PCCA: variants seen among roughly 807,000 people sequenced by gnomAD.
PCCA encodes the protein propionyl-CoA carboxylase alpha chain, mitochondrial.
In PCCA, 74 loss-of-function variants were observed where a neutral mutation model predicts 101.3. The observed-to-expected ratio is 0.73, with a 90% CI of 0.61 to 0.89. The LOEUF (loss-of-function observed/expected upper bound fraction) is 0.89, where lower values mean the gene tolerates loss of function less well. Among genes scored for constraint, PCCA ranks in the 40% least tolerant of loss-of-function variants. The pLI, the probability that PCCA is intolerant of heterozygous loss-of-function variation, is 0.00. For synonymous variants in PCCA, 294 were observed against 313.6 expected (o/e 0.94, Z 0.66); for missense variants, 891 against 907.0 (o/e 0.98, Z 0.23).
chr13:100,221,475 G>C lies in PCCA; in HGVS notation c.600+12012G>C, dbSNP rs59999735. ...GTTATTTTGGTTATCTTCTTAGGAG[G>C]CTGCATCTGAATTTGCAGCCTCTGT... On this transcript the variant is annotated intron_variant, in intron 7 of 23. Transcript: ENST00000376285. Among the ~76,000 whole-genome samples the C allele has an allele frequency of 7.8e-3, 1,185 of 152,296 alleles. 16 individuals carry two copies. The highest frequency in any genetic ancestry group is 0.027 in the African/African-American group (1,131 of 41,566).
chr13:100,368,920 A>G (rs2152812416), intron 19 of PCCA, among the ~76,000 whole-genome samples: 1 of 152,342 alleles, frequency 6.6e-6, no homozygotes, highest in South Asian at 2.1e-4. Context: ...CTTTTAAAAC[A>G]AATAATCTGA....
chr13:100,526,498 T>C (rs1189982368), intron 22 of PCCA, among the ~76,000 whole-genome samples: 1 of 152,190 alleles, frequency 6.6e-6, no homozygotes, highest in East Asian at 1.9e-4. Context: ...GCAAGACAGC[T>C]TGCGCCACAC....
At chr13:100,479,308 T>TA (rs1796959851) in intron 21 of PCCA, among the ~76,000 whole-genome samples, 1 of 151,922 alleles carries the variant, frequency 6.6e-6, no homozygotes, top group Non-Finnish European at 1.5e-5. Flanking sequence ...TCTGATGGGG[T>TA]ACAAGTGTGC....
At chr13:100,220,494 C>G (rs1412666080) in intron 7 of PCCA, among the ~76,000 whole-genome samples, 1 of 147,562 alleles carries the variant, frequency 6.8e-6, no homozygotes, top group Non-Finnish European at 1.5e-5. Context: ...GGGTCTTGAA[C>G]TCCTTACTTC....
intron 12 of PCCA, among the ~76,000 whole-genome samples, chr13:100,294,904 G>A (rs1479018874): frequency 1.3e-5 from 2 of 152,090 alleles, no homozygotes; most frequent in South Asian, 2.1e-4. Context: ...CAGAGAAAAG[G>A]GGAGAAAAAT....
At chr13:100,348,815 C>CCTTT (rs1408897769) in intron 18 of PCCA, among the ~76,000 whole-genome samples, 2 of 122,930 alleles carry the variant, frequency 1.6e-5, no homozygotes, top group South Asian at 4.9e-4. Context: ...TTCCTTCCTT[C>CCTTT]CTTTCTTTCT....
At chr13:100,485,634 A>G (rs575951934) in intron 21 of PCCA, among the ~76,000 whole-genome samples, 41 of 152,236 alleles carry the variant, frequency 2.7e-4, no homozygotes, top group Non-Finnish European at 4.3e-4. Context: ...CTACAAGGGT[A>G]TATGTATACA....
At chr13:100,156,696 C>A (rs548725371) in intron 5 of PCCA, among the ~76,000 whole-genome samples, 2 of 152,170 alleles carry the variant, frequency 1.3e-5, no homozygotes, top group African/African-American at 2.4e-5. Flanking sequence ...AGTAAAACCA[C>A]ACCTCCATTT....
intron 6 of PCCA, among the ~76,000 whole-genome samples, chr13:100,202,552 A>G (rs1337740873): frequency 6.7e-6 from 1 of 148,304 alleles, no homozygotes; most frequent in Non-Finnish European, 1.5e-5. Flanking sequence ...TATGTTGGTC[A>G]TCCTGGAATG....
At chr13:100,498,688 A>G (rs1448726804) in intron 21 of PCCA, among the ~76,000 whole-genome samples, 3 of 151,994 alleles carry the variant, frequency 2.0e-5, no homozygotes, top group Non-Finnish European at 4.4e-5. Context: ...CCCCTAGCCT[A>G]CTGTTTGCGT....
chr13:100,459,314 C>G (rs1236231834), intron 21 of PCCA, among the ~76,000 whole-genome samples: 2 of 152,158 alleles, frequency 1.3e-5, no homozygotes, highest in Admixed American at 1.3e-4. Flanking sequence ...CTATTCAACC[C>G]AGTATGCTAT....
intron 4 of PCCA, among the ~76,000 whole-genome samples, chr13:100,133,873 C>T (rs1408246412): frequency 6.6e-6 from 1 of 152,096 alleles, no homozygotes; most frequent in Admixed American, 6.5e-5. Flanking sequence ...GTCTTCCGGC[C>T]TTCATCTTTC....
chr13:100,397,533 A>G (rs1224684899), intron 19 of PCCA, among the ~76,000 whole-genome samples: 1 of 152,200 alleles, frequency 6.6e-6, no homozygotes, highest in Non-Finnish European at 1.5e-5. Context: ...TATTACCACT[A>G]TTGAAATTTC....
intron 18 of PCCA, among the ~76,000 whole-genome samples, chr13:100,353,899 G>A (rs1036691027): frequency 2.0e-5 from 3 of 152,028 alleles, no homozygotes; most frequent in African/African-American, 7.2e-5. Context: ...GTTGCAGTGA[G>A]CCAAGATCGT....
intron 16 of PCCA, among the ~76,000 whole-genome samples, chr13:100,317,937 G>A (rs774516473): frequency 1.1e-4 from 17 of 151,962 alleles, no homozygotes; most frequent in African/African-American, 2.7e-4. Context: ...CTGAATATCC[G>A]TCAAGTCCAG....
chr13:100,486,205 G>C lies in PCCA; in HGVS notation c.1900-29222G>C, dbSNP rs148534457. On this transcript the variant is annotated intron_variant, in intron 21 of 23. Transcript: ENST00000376285. ...TCACCTAGGTGTTCAATGGATCACT[G>C]GGTAATCTGAGGGTTGATGTTCTTC... Among the ~76,000 whole-genome samples, 838 of 152,316 alleles carry C rather than the reference G, an allele frequency of 5.5e-3. 10 individuals are homozygous for C. The highest frequency in any genetic ancestry group is 0.02 in the African/African-American group (818 of 41,552).
chr13:100,355,001 A>C (rs1230430953), intron 18 of PCCA, among the ~76,000 whole-genome samples: 1 of 152,234 alleles, frequency 6.6e-6, no homozygotes, highest in African/African-American at 2.4e-5. Flanking sequence ...AGATAAAGTC[A>C]TTGCAAGACA....
chr13:100,114,689 A>G (rs559139944), intron 4 of PCCA, among the ~76,000 whole-genome samples: 1 of 152,352 alleles, frequency 6.6e-6, no homozygotes, highest in South Asian at 2.1e-4. Context: ...GGTGCTCGAC[A>G]TTACTGATCA....
At chr13:100,089,992 C>T (rs991681007) in intron 1 of PCCA, among the ~76,000 whole-genome samples, 11 of 152,308 alleles carry the variant, frequency 7.2e-5, no homozygotes, top group African/African-American at 2.4e-4. Context: ...GGGCACAGAC[C>T]ACCTAACCTA....
Sources: gnomAD v4.1 joint callset for allele counts (sites outside exome capture counted in the v4.1 genomes callset) on GRCh38, gnomAD v4.1.1 for gene constraint, MANE v1.5 for transcripts, NCBI Gene and HGNC (gene_info 2026-07-23, HGNC 2026-07-21) for gene names.